TEAD1: variants seen among roughly 807,000 people sequenced by gnomAD.
TEAD1 encodes the protein transcriptional enhancer factor TEF-1.
A neutral mutation model predicts 54.9 loss-of-function variants in TEAD1; 9 were observed. The observed-to-expected ratio is 0.16, with a 90% CI of 0.10 to 0.29. TEAD1 has a LOEUF of 0.29. TEAD1 is among the 10% of genes least tolerant of loss of function. The pLI, the probability that TEAD1 is intolerant of heterozygous loss-of-function variation, is 1.00. For synonymous variants in TEAD1, 200 were observed against 187.8 expected (o/e 1.07, Z -0.53); for missense variants, 387 against 535.9 (o/e 0.72, Z 2.74).
chr11:12,725,520 C>T (rs993923978), intron 2 of TEAD1, among the ~76,000 whole-genome samples: 3 of 152,036 alleles, frequency 2.0e-5, no homozygotes, highest in Non-Finnish European at 4.4e-5. Flanking sequence ...GTGATGGATA[C>T]CTTAAATTCC....
At chr11:12,878,319 T>C (rs1947897980) in intron 5 of TEAD1, among the ~76,000 whole-genome samples, 1 of 152,210 alleles carries the variant, frequency 6.6e-6, no homozygotes, top group African/African-American at 2.4e-5. Context: ...TTGATGTGTT[T>C]TTTTCATCAC....
intron 3 of TEAD1, among the ~76,000 whole-genome samples, chr11:12,789,289 A>G (rs1400730744): frequency 1.3e-5 from 2 of 152,258 alleles, no homozygotes; most frequent in Non-Finnish European, 2.9e-5. Flanking sequence ...TTCCTGAGAC[A>G]GTACCTGACA....
chr11:12,855,742 G>A (rs1947363050), intron 3 of TEAD1, among the ~76,000 whole-genome samples: 1 of 151,836 alleles, frequency 6.6e-6, no homozygotes, highest in South Asian at 2.1e-4. Flanking sequence ...CTAGGAGTTC[G>A]AGACTAGCCT....
At chr11:12,859,496 C>A (rs1234439227) in intron 3 of TEAD1, among the ~76,000 whole-genome samples, 1 of 152,190 alleles carries the variant, frequency 6.6e-6, no homozygotes, top group South Asian at 2.1e-4. Flanking sequence ...TAATTAGGTA[C>A]TCCTAGCTGG....
At chr11:12,836,583 A>G (rs1344695927) in intron 3 of TEAD1, among the ~76,000 whole-genome samples, 1 of 152,166 alleles carries the variant, frequency 6.6e-6, no homozygotes, top group Non-Finnish European at 1.5e-5. Context: ...GGGTTTGGTA[A>G]TTTTGGAACC....
intron 10 of TEAD1, among the ~76,000 whole-genome samples, chr11:12,909,657 C>CA (rs1335614299): frequency 1.3e-5 from 2 of 152,042 alleles, no homozygotes; most frequent in Non-Finnish European, 2.9e-5. Flanking sequence ...CAAAATTAAA[C>CA]AAAAAAGCAT....
chr11:12,871,518 T>TTAC (rs1947744673), intron 5 of TEAD1, among the ~76,000 whole-genome samples: 1 of 152,182 alleles, frequency 6.6e-6, no homozygotes, highest in Non-Finnish European at 1.5e-5. Flanking sequence ...CAGAGTTTCT[T>TTAC]TGTAGAGTTC....
rs538732405 is a variant in TEAD1 at position 12,865,057 on chromosome 11, T to G, written c.330+157T>G. ...TCTTTGTGTTTAATCTCTCTGTTTCTGTACTAGCCTCACATTAAACTCAAT... is the reference window on the plus strand; with the variant it reads ...TCTTTGTGTTTAATCTCTCTGTTTCGGTACTAGCCTCACATTAAACTCAAT... On this transcript the variant is annotated intron_variant, in intron 5 of 12. Transcript: ENST00000527636. 9.6e-6 allele frequency: 8 copies of G among 835,852 alleles called. No individual in the cohort carries two copies. The African/African-American group carries it at 1.2e-4, about 12-fold the overall frequency. The allele number at this position is 835,852 out of a possible 1,614,324, so 51.8% of individuals were successfully genotyped here. A position where few individuals can be genotyped will look rare whatever the true frequency, so the allele number is the denominator to read the frequency against.
At chr11:12,898,414 A>C (rs374793137) in intron 9 of TEAD1, among the ~76,000 whole-genome samples, 104 of 137,918 alleles carry the variant, frequency 7.5e-4, no homozygotes, top group African/African-American at 2.6e-3. Flanking sequence ...TTTTTTTTTG[A>C]GACGGAGTAT....
At chr11:12,772,616 A>G (rs921173407) in intron 3 of TEAD1, among the ~76,000 whole-genome samples, 3 of 152,166 alleles carry the variant, frequency 2.0e-5, no homozygotes, top group African/African-American at 7.2e-5. Context: ...TTTCTTTTTT[A>G]TTTGAAATTT....
intron 2 of TEAD1, among the ~76,000 whole-genome samples, chr11:12,680,202 C>T (rs1943188130): frequency 6.6e-6 from 1 of 152,162 alleles, no homozygotes; most frequent in South Asian, 2.1e-4. Context: ...CGGCTTTCAT[C>T]CCAGTGTCTG....
intron 2 of TEAD1, among the ~76,000 whole-genome samples, chr11:12,716,454 T>A (rs1442280378): frequency 6.6e-6 from 1 of 152,140 alleles, no homozygotes; most frequent in Non-Finnish European, 1.5e-5. Context: ...GATCAAGAAG[T>A]AATCCTTTTT....
At chr11:12,702,627 G>T (rs1346573935) in intron 2 of TEAD1, among the ~76,000 whole-genome samples, 3 of 152,138 alleles carry the variant, frequency 2.0e-5, no homozygotes, top group Non-Finnish European at 2.9e-5. Context: ...TCTTCAGGCT[G>T]CAGGCTTCCG....
At chr11:12,862,196 T>G in intron 3 of TEAD1, 54 bp from the exon 4 acceptor site, 1 of 1,468,388 alleles carries the variant, frequency 6.8e-7, no homozygotes, top group East Asian at 2.3e-5. Context: ...TCAAGGGCTT[T>G]GTTGGTTTGG....
chr11:12,745,586 G>A (rs1412817301), intron 2 of TEAD1, among the ~76,000 whole-genome samples: 1 of 145,458 alleles, frequency 6.9e-6, no homozygotes, highest in Non-Finnish European at 1.5e-5. Flanking sequence ...CATTTTAAGG[G>A]GTTTTTTTTT....
chr11:12,801,513 C>G (rs996121055), intron 3 of TEAD1, among the ~76,000 whole-genome samples: 3 of 152,204 alleles, frequency 2.0e-5, no homozygotes, highest in Non-Finnish European at 2.9e-5. Flanking sequence ...CTTTAATTCA[C>G]TGAATAATGT....
chr11:12,811,945 C>T (rs568871393), intron 3 of TEAD1, among the ~76,000 whole-genome samples: 3 of 152,086 alleles, frequency 2.0e-5, no homozygotes, highest in South Asian at 2.1e-4. Flanking sequence ...TCAGCCACAC[C>T]GGTAGGACGT....
chr11:12,852,822 G>A (rs1173613093), intron 3 of TEAD1, among the ~76,000 whole-genome samples: 1 of 152,168 alleles, frequency 6.6e-6, no homozygotes, highest in Non-Finnish European at 1.5e-5. Context: ...CCTTGAAGAG[G>A]CTTGTAGTCT....
chr11:12,923,301 T>C (rs935454533), intron 10 of TEAD1, among the ~76,000 whole-genome samples: 3 of 152,156 alleles, frequency 2.0e-5, no homozygotes, highest in African/African-American at 4.8e-5. Flanking sequence ...TCTTCTCTCT[T>C]ATGGAATGCT....
Sources: allele counts gnomAD v4.1 joint callset (sites outside exome capture counted in the v4.1 genomes callset), GRCh38; gene constraint gnomAD v4.1.1; transcripts MANE v1.5; gene names NCBI Gene and HGNC (gene_info 2026-07-23, HGNC 2026-07-21).